The following NBPF4 variants were observed in gnomAD, a reference collection of about 807,000 sequenced individuals.
NBPF4 encodes the protein NBPF member 4.
NBPF4 carries 11 observed loss-of-function variants against 21.1 expected under a neutral mutation model. That is an observed-to-expected ratio of 0.52 (90% CI 0.33 to 0.86). NBPF4 has a LOEUF of 0.86. NBPF4 is among the 40% of genes least tolerant of loss of function. NBPF4 has a pLI of 0.03. For synonymous variants in NBPF4, 47 were observed against 106.4 expected, an observed-to-expected ratio of 0.44 and a Z score of 3.43; for missense variants, 88 against 265.3, an observed-to-expected ratio of 0.33 and a Z score of 4.64.
chr1:108,268,677 A>T, the NBPF4 span, among the ~76,000 whole-genome samples: 1 of 149,886 alleles, frequency 6.7e-6, no homozygotes, highest in Non-Finnish European at 1.5e-5. Flanking sequence ...TATAAAGATT[A>T]GAGAGAAAAA....
At chr1:108,260,178 T>C in the NBPF4 span, among the ~76,000 whole-genome samples, 1 of 13,650 alleles carries the variant, frequency 7.3e-5, no homozygotes, top group Non-Finnish European at 1.5e-4. Flanking sequence ...CTTATGGCCA[T>C]TGTCATAAAC....
the NBPF4 span, among the ~76,000 whole-genome samples, chr1:108,266,049 T>TA: frequency 4.8e-3 from 430 of 90,360 alleles, 4 homozygotes; most frequent in Middle Eastern, 6.8e-3. Flanking sequence ...AATAATAATT[T>TA]AAAAAAAAAA....
upstream of NBPF4, among the ~76,000 whole-genome samples, chr1:108,245,033 C>T (rs1456297029): frequency 0.025 from 1,781 of 71,500 alleles, 12 homozygotes; most frequent in Middle Eastern, 0.054. Context: ...CTCATGGTCA[C>T]GGGTGGTTGG....
chr1:108,259,861 T>G, the NBPF4 span, among the ~76,000 whole-genome samples: 1 of 149,810 alleles, frequency 6.7e-6, no homozygotes, highest in African/African-American at 2.5e-5. Context: ...TATTAATAGA[T>G]AAAATCTACA....
chr1:108,222,703 A>G lies in NBPF4; in HGVS notation c.*1002T>C, dbSNP rs931104608. Among the ~76,000 whole-genome samples the G allele has an allele frequency of 2.6e-4, 39 of 152,340 alleles. No homozygotes were observed. The highest frequency in any genetic ancestry group is 1.6e-3 in the Admixed American group (24 of 15,306). On this transcript the variant is annotated 3_prime_UTR_variant, in exon 15 of 15. Transcript: ENST00000415641. ...TATAAGGTAAGATTTTGAGATAGAC[A>G]ATTTTCAATGTACAAACTTAAATAT... is the stretch of plus-strand genomic sequence containing the variant.
At chr1:108,246,019 T>G (rs9435355), upstream of NBPF4, among the ~76,000 whole-genome samples, 7 of 116,062 alleles carry the variant, frequency 6.0e-5, 1 homozygote, top group Non-Finnish European at 1.1e-4. Context: ...TGTATTTAAT[T>G]CACTATTCTA....
chr1:108,226,469 A>T (rs1425114089), intron 14 of NBPF4, among the ~76,000 whole-genome samples: 4 of 151,016 alleles, frequency 2.6e-5, no homozygotes, highest in Non-Finnish European at 5.9e-5. Context: ...AGAAAAAGGA[A>T]TAGAGCAGAG....
chr1:108,252,712 T>C, the NBPF4 span, among the ~76,000 whole-genome samples: 1 of 140,016 alleles, frequency 7.1e-6, no homozygotes, highest in African/African-American at 2.9e-5. Flanking sequence ...TTTGTTGAGC[T>C]GTTGTATGCA....
At position 108,223,623 on chromosome 1, in the gene NBPF4, C is replaced by T; in HGVS notation, c.*82G>A. On this transcript the variant is annotated 3_prime_UTR_variant, in exon 15 of 15. Coordinates refer to ENST00000415641, the MANE Select transcript of NBPF4 (RefSeq NM_001143989.3). The stretch of plus-strand genomic sequence containing the variant: ...TTCAATCCTCAGTGAAGGACCCCTG[C>T]AGTATTGTGTTTGGACTTAAACTTG... The T allele has an allele frequency of 8.3e-7, 1 of 1,199,404 alleles. No homozygotes were observed. Among genetic ancestry groups the T allele is most frequent in the Non-Finnish European group, 1.2e-6 (1 of 823,956 alleles). The allele number at this position is 1,199,404 out of a possible 1,614,324, so 74.3% of individuals were successfully genotyped here. A position where few individuals can be genotyped will look rare whatever the true frequency, so the allele number is the denominator to read the frequency against.
chr1:108,257,762 C>CTTTTTTTTTTTTTTTT, the NBPF4 span, among the ~76,000 whole-genome samples: 1 of 54,774 alleles, frequency 1.8e-5, no homozygotes, highest in Non-Finnish European at 3.2e-5. Flanking sequence ...CTTTTCTTTT[C>CTTTTTTTTTTTTTTTT]TTTTTTTTTT....
In NBPF4 at chr1:108,223,170, C is replaced by T. The variant is rs1649362395; in HGVS notation, c.*535G>A. 6.6e-6 allele frequency among the ~76,000 whole-genome samples: 1 copy of T among 152,130 alleles called. No homozygotes were observed. Among genetic ancestry groups the T allele is most frequent in the South Asian group, 2.1e-4 (1 of 4,812 alleles). On this transcript the variant is annotated 3_prime_UTR_variant, in exon 15 of 15. Coordinates refer to ENST00000415641, the MANE Select transcript of NBPF4 (RefSeq NM_001143989.3). ...TTCAAAATGACTAAAAAAGCATAAGCTGCATAGGCTTTTTACTCTTTTTGA... is the reference window on the plus strand; with the variant it reads ...TTCAAAATGACTAAAAAAGCATAAGTTGCATAGGCTTTTTACTCTTTTTGA...
chr1:108,246,631 T>C (rs1649850689), upstream of NBPF4, among the ~76,000 whole-genome samples: 1 of 93,378 alleles, frequency 1.1e-5, no homozygotes. Flanking sequence ...TTCCACGCAC[T>C]GTCCAATTCC....
At chr1:108,241,337 T>C (rs2335961) in intron 3 of NBPF4, among the ~76,000 whole-genome samples, 173 bp from the exon 4 acceptor site, 1,948 of 89,034 alleles carry the variant, frequency 0.022, 27 homozygotes, top group Admixed American at 0.049. Context: ...TATATATATA[T>C]ATACACACAC....
At chr1:108,246,456 A>G (rs1187691953), upstream of NBPF4, among the ~76,000 whole-genome samples, 3 of 119,794 alleles carry the variant, frequency 2.5e-5, no homozygotes, top group Admixed American at 1.0e-4. Context: ...TCTCATGTAG[A>G]TAGAAAAATG....
At chr1:108,266,442 C>T in the NBPF4 span, among the ~76,000 whole-genome samples, 2 of 126,618 alleles carry the variant, frequency 1.6e-5, no homozygotes, top group African/African-American at 6.1e-5. Context: ...GTTTCTACTC[C>T]TATCTTTACT....
chr1:108,226,215 G>A (rs1649467617), intron 14 of NBPF4, among the ~76,000 whole-genome samples: 2 of 150,758 alleles, frequency 1.3e-5, no homozygotes, highest in Admixed American at 6.6e-5. Context: ...ATTAAGAGTT[G>A]AATTAGTTGT....
chr1:108,226,407 G>A (rs1200251711), intron 14 of NBPF4, among the ~76,000 whole-genome samples: 2 of 150,648 alleles, frequency 1.3e-5, no homozygotes, highest in East Asian at 1.9e-4. Flanking sequence ...ACTTGGATGG[G>A]GACAAGGAGG....
At chr1:108,257,467 G>A in the NBPF4 span, among the ~76,000 whole-genome samples, 2 of 151,038 alleles carry the variant, frequency 1.3e-5, no homozygotes, top group East Asian at 1.9e-4. Context: ...CTGTATTTTT[G>A]TACCCATTAA....
At chr1:108,223,834 A>G (rs1289582538) in intron 14 of NBPF4, 88 bp from the exon 15 acceptor site, 3 of 1,256,556 alleles carry the variant, frequency 2.4e-6, no homozygotes, top group Non-Finnish European at 3.4e-6. Flanking sequence ...CTAAGCAGTG[A>G]TATCTCACTG....
Sources: allele counts gnomAD v4.1 joint callset (sites outside exome capture counted in the v4.1 genomes callset), GRCh38; gene constraint gnomAD v4.1.1; transcripts MANE v1.5; gene names NCBI Gene and HGNC (gene_info 2026-07-23, HGNC 2026-07-21).